PCM1: variants seen among roughly 807,000 people sequenced by gnomAD.
PCM1 encodes the protein pericentriolar material 1.
PCM1 carries 157 observed loss-of-function variants against 241.9 expected under a neutral mutation model. The ratio of observed to expected loss-of-function variants is 0.65; its 90% CI spans 0.57 to 0.74. PCM1 has a LOEUF of 0.74. Ranked by LOEUF, PCM1 falls within the 30% of genes least tolerant of loss-of-function variation. The pLI, the probability that PCM1 is intolerant of heterozygous loss-of-function variation, is 0.00. For synonymous variants in PCM1, 1,085 were observed against 784.9 expected (o/e 1.38, Z -6.39); for missense variants, 3,478 against 2,360.1 (o/e 1.47, Z -9.81).
At chr8:17,983,326 T>C (rs1212922058) in intron 24 of PCM1, 1 of 1,274,170 alleles carries the variant, frequency 7.8e-7, no homozygotes, top group South Asian at 1.3e-5. Context: ...CACTTTTTGT[T>C]AATTTTTTCC....
chr8:17,944,498 C>T (rs945008045), intron 6 of PCM1, among the ~76,000 whole-genome samples: 8 of 152,038 alleles, frequency 5.3e-5, no homozygotes, highest in Non-Finnish European at 8.8e-5. Flanking sequence ...TGAAATTGGA[C>T]TACTACATAT....
chr8:17,924,892 T>C (rs1406181554), intron 2 of PCM1, 112 bp downstream of exon 2: 2 of 152,244 alleles, frequency 1.3e-5, no homozygotes, highest in East Asian at 1.9e-4. Context: ...CTCTGCTTAG[T>C]AAACAAACTT....
chr8:17,983,628 C>T (rs543736391), intron 24 of PCM1, among the ~76,000 whole-genome samples: 1 of 152,086 alleles, frequency 6.6e-6, no homozygotes, highest in Non-Finnish European at 1.5e-5. Flanking sequence ...AATATAGTTA[C>T]TTTTATAGTT....
chr8:18,022,737 T>C lies in PCM1; in HGVS notation c.5842-2624T>C, dbSNP rs189522188. 1.1e-3 allele frequency among the ~76,000 whole-genome samples: 161 copies of C among 152,296 alleles called. 1 individual carries two copies. The highest frequency in any genetic ancestry group is 3.1e-3 in the African/African-American group (128 of 41,576). The stretch of plus-strand genomic sequence containing the variant: ...GTCAGACTTTATGATTTAACACCAA[T>C]TAGGGAGACTGCTCTCCTATATAAT... On this transcript the variant is annotated intron_variant, in intron 36 of 38. Transcript: ENST00000325083.
intron 2 of PCM1, among the ~76,000 whole-genome samples, chr8:17,928,696 A>C (rs1282786030): frequency 1.5e-5 from 2 of 135,062 alleles, no homozygotes; most frequent in Non-Finnish European, 3.0e-5. Flanking sequence ...CAATGGCACT[A>C]TCTCCGCTCA....
At position 18,010,432 on chromosome 8, in the gene PCM1, C is replaced by T. The variant is rs558780295; in HGVS notation, c.5161-177C>T. Among the ~76,000 whole-genome samples, 8 of 152,198 alleles carry T rather than the reference C, an allele frequency of 5.3e-5. 1 individual carries two copies. In the South Asian group the frequency reaches 1.0e-3, roughly 20 times the overall value. Reference sequence around the variant, plus strand: ...TTTCTGGATATAAATAAATTTCAGACGTTGCTAAGAGCTTGATGAAAATAA... The same window carrying T: ...TTTCTGGATATAAATAAATTTCAGATGTTGCTAAGAGCTTGATGAAAATAA... On this transcript the variant is annotated intron_variant, in intron 31 of 38. Coordinates refer to ENST00000325083, the MANE Select transcript of PCM1 (RefSeq NM_006197.4).
intron 11 of PCM1, 34 bp from the exon 12 acceptor site, chr8:17,957,230 C>T (rs1475683220): frequency 2.6e-6 from 4 of 1,529,400 alleles, no homozygotes; most frequent in South Asian, 1.3e-5. Flanking sequence ...TTTTTTGTGC[C>T]TTAAATGACT....
rs576936833 is a variant in PCM1 at position 17,980,503 on chromosome 8, T to C, written c.3944-88T>C. 3 of 1,029,300 alleles carry C rather than the reference T, an allele frequency of 2.9e-6. No individual in the cohort carries two copies. In the South Asian group the frequency reaches 5.4e-5, roughly 18 times the overall value. 63.8% of individuals were successfully genotyped at this position (1,029,300 alleles called of 1,614,324 possible). ...GCCTTCCTAGCATTGTAAATTGAGT[T>C]ACCTGTACTGTTACACAATGGAAAC... On this transcript the variant is annotated intron_variant, in intron 23 of 38. Coordinates refer to ENST00000325083, the MANE Select transcript of PCM1 (RefSeq NM_006197.4).
intron 11 of PCM1, among the ~76,000 whole-genome samples, 168 bp from the exon 12 acceptor site, chr8:17,957,096 A>G (rs1429811657): frequency 6.6e-6 from 1 of 152,216 alleles, no homozygotes; most frequent in Non-Finnish European, 1.5e-5. Context: ...TAAATAGCAC[A>G]TATGCAGAAG....
intron 26 of PCM1, among the ~76,000 whole-genome samples, chr8:17,987,324 A>G (rs1052235161): frequency 6.6e-6 from 1 of 151,832 alleles, no homozygotes; most frequent in Non-Finnish European, 1.5e-5. Flanking sequence ...CTTGAGAGAG[A>G]ATGAACAGTC....
At chr8:18,000,573 A>G (rs1211323437) in intron 29 of PCM1, among the ~76,000 whole-genome samples, 4 of 151,594 alleles carry the variant, frequency 2.6e-5, no homozygotes, top group African/African-American at 9.7e-5. Flanking sequence ...CGATTTACCA[A>G]AATGAAGAAG....
At chr8:17,974,882 C>CAT (rs2078165277) in intron 23 of PCM1, among the ~76,000 whole-genome samples, 1 of 151,848 alleles carries the variant, frequency 6.6e-6, no homozygotes, top group Non-Finnish European at 1.5e-5. Context: ...CACACACACA[C>CAT]ACACACACAC....
chr8:17,970,623 T>C (rs1287790810), intron 22 of PCM1, among the ~76,000 whole-genome samples: 1 of 152,150 alleles, frequency 6.6e-6, no homozygotes, highest in East Asian at 1.9e-4. Context: ...CAGTGTTAGT[T>C]CACAGTTGCC....
At chr8:17,986,210 C>A in intron 26 of PCM1, 123 bp downstream of exon 26, 2 of 670,848 alleles carry the variant, frequency 3.0e-6, no homozygotes, top group Non-Finnish European at 2.3e-6. Context: ...TTTTTTAAAA[C>A]TTGGGTATAA....
chr8:18,005,608 T>C (rs2091061602), intron 29 of PCM1, among the ~76,000 whole-genome samples: 2 of 152,174 alleles, frequency 1.3e-5, no homozygotes, highest in Non-Finnish European at 2.9e-5. Flanking sequence ...CCATGATTCA[T>C]ATTATTTTGT....
At position 17,985,474 on chromosome 8, in the gene PCM1, A is replaced by G; in HGVS notation, c.4136A>G (p.Glu1379Gly). 5.8e-6 allele frequency: 9 copies of G among 1,560,456 alleles called. No individual in the cohort carries two copies. The highest frequency in any genetic ancestry group is 7.0e-6 in the Non-Finnish European group (8 of 1,150,340). ...SETGSDFSMFEALRDTIYSEV... is the reference protein window; with the variant it reads ...SETGSDFSMFGALRDTIYSEV... ...ACTGGGAGTGATTTTTCCATGTTTGAAGCTTTGCGAGATACTATTTATTCT... is the reference window on the plus strand; with the variant it reads ...ACTGGGAGTGATTTTTCCATGTTTGGAGCTTTGCGAGATACTATTTATTCT... The change falls in exon 25 of 39, where the codon GAA (glutamate) becomes GGA (glycine). Residue 1379 changes from glutamate (E) to glycine (G), a missense_variant. Coordinates refer to ENST00000325083, the MANE Select transcript of PCM1 (RefSeq NM_006197.4).
chr8:18,018,163 A>G (rs2093404855), intron 36 of PCM1, among the ~76,000 whole-genome samples: 1 of 152,214 alleles, frequency 6.6e-6, no homozygotes, highest in East Asian at 1.9e-4. Context: ...ATGCCTTCCT[A>G]CAATATGACA....
chr8:17,947,133 C>G, intron 6 of PCM1, 53 bp from the exon 7 acceptor site: 1 of 1,174,314 alleles, frequency 8.5e-7, no homozygotes, highest in Non-Finnish European at 1.2e-6. Context: ...TAATTGAAAC[C>G]GCAACATGGA....
intron 36 of PCM1, among the ~76,000 whole-genome samples, chr8:18,017,061 G>A (rs1222184410): frequency 1.3e-5 from 2 of 152,276 alleles, no homozygotes; most frequent in East Asian, 1.9e-4. Context: ...GGATGACTAC[G>A]GCAGGATGGC....
Sources: allele counts gnomAD v4.1 joint callset (sites outside exome capture counted in the v4.1 genomes callset), GRCh38; gene constraint gnomAD v4.1.1; transcripts MANE v1.5; gene names NCBI Gene and HGNC (gene_info 2026-07-23, HGNC 2026-07-21).